The following SCFD2 variants were observed in gnomAD, a reference collection of about 807,000 sequenced individuals.
The protein encoded by SCFD2 is sec1 family domain-containing protein 2.
Under a neutral mutation model 58.9 loss-of-function variants are expected in SCFD2, and 54 were observed. The ratio of observed to expected loss-of-function variants is 0.92; its 90% CI spans 0.74 to 1.15. The LOEUF (loss-of-function observed/expected upper bound fraction) is 1.15. Among genes scored for constraint, SCFD2 ranks in the 50% most tolerant of loss-of-function variants. SCFD2 has a pLI of 0.00. For synonymous variants in SCFD2, 321 were observed against 335.9 expected, an observed-to-expected ratio of 0.96 and a Z score of 0.49; for missense variants, 805 against 836.6, an observed-to-expected ratio of 0.96 and a Z score of 0.47.
At chr4:53,249,594 C>A (rs1371823267) in intron 4 of SCFD2, among the ~76,000 whole-genome samples, 1 of 152,204 alleles carries the variant, frequency 6.6e-6, no homozygotes, top group African/African-American at 2.4e-5. Flanking sequence ...CCATCAGACT[C>A]ACAGCAGATC....
At chr4:53,041,035 A>G (rs144677423) in intron 5 of SCFD2, among the ~76,000 whole-genome samples, 44 of 152,332 alleles carry the variant, frequency 2.9e-4, no homozygotes, top group African/African-American at 1.0e-3. Context: ...GATACTAGAC[A>G]TATGCTATGC....
At chr4:53,143,102 T>C (rs1237700780) in intron 5 of SCFD2, among the ~76,000 whole-genome samples, 2 of 152,194 alleles carry the variant, frequency 1.3e-5, no homozygotes, top group Non-Finnish European at 1.5e-5. Context: ...GAACATGCAA[T>C]ATCCTAAGCA....
At chr4:53,349,018 C>G (rs1276538621) in intron 2 of SCFD2, among the ~76,000 whole-genome samples, 1 of 152,022 alleles carries the variant, frequency 6.6e-6, no homozygotes, top group Non-Finnish European at 1.5e-5. Context: ...TTGAATGGCA[C>G]TCAAAGCTCA....
At chr4:53,064,565 G>A (rs754806794) in intron 5 of SCFD2, among the ~76,000 whole-genome samples, 4 of 152,106 alleles carry the variant, frequency 2.6e-5, no homozygotes, top group Non-Finnish European at 4.4e-5. Flanking sequence ...GACAATCCAA[G>A]TAACAGTCCT....
intron 5 of SCFD2, among the ~76,000 whole-genome samples, chr4:52,932,733 C>T (rs776902499): frequency 6.6e-6 from 1 of 152,036 alleles, no homozygotes; most frequent in Admixed American, 6.5e-5. Flanking sequence ...AATGAGGCCC[C>T]CACTTTCTCC....
At chr4:52,885,912 A>G in intron 7 of SCFD2, 46 bp from the exon 8 acceptor site, 1 of 1,610,452 alleles carries the variant, frequency 6.2e-7, no homozygotes, top group Non-Finnish European at 8.5e-7. Context: ...GCAGTGATGC[A>G]GGCACAATGC....
chr4:52,971,531 T>C (rs987008499), intron 5 of SCFD2, among the ~76,000 whole-genome samples: 2 of 152,164 alleles, frequency 1.3e-5, no homozygotes, highest in African/African-American at 4.8e-5. Context: ...AGACCAAATC[T>C]ACATCTGATT....
intron 5 of SCFD2, among the ~76,000 whole-genome samples, chr4:52,947,628 C>T (rs982000412): frequency 6.6e-6 from 1 of 151,890 alleles, no homozygotes; most frequent in Non-Finnish European, 1.5e-5. Flanking sequence ...GTTCCATGCA[C>T]ATATGGAAAC....
At chr4:53,229,212 T>C (rs1437366318) in intron 4 of SCFD2, among the ~76,000 whole-genome samples, 1 of 152,150 alleles carries the variant, frequency 6.6e-6, no homozygotes, top group Non-Finnish European at 1.5e-5. Context: ...AATTTACAGA[T>C]TCAATGCCAT....
At chr4:53,325,243 A>G (rs535467205) in intron 2 of SCFD2, among the ~76,000 whole-genome samples, 1 of 151,934 alleles carries the variant, frequency 6.6e-6, no homozygotes, top group East Asian at 1.9e-4. Flanking sequence ...AAAAAAAGAG[A>G]AGACTCACTG....
At chr4:53,326,479 G>T (rs1733201744) in intron 2 of SCFD2, among the ~76,000 whole-genome samples, 1 of 151,920 alleles carries the variant, frequency 6.6e-6, no homozygotes, top group African/African-American at 2.4e-5. Context: ...TAGTAAATTA[G>T]GATGAGAGCT....
intron 4 of SCFD2, among the ~76,000 whole-genome samples, chr4:53,238,037 C>T (rs1327575646): frequency 1.7e-3 from 225 of 131,884 alleles, no homozygotes; most frequent in Middle Eastern, 5.5e-3. Flanking sequence ...GATGGGGTGG[C>T]TGGCCGGGCG....
chr4:52,963,377 T>C (rs1455336235), intron 5 of SCFD2, among the ~76,000 whole-genome samples: 4 of 152,248 alleles, frequency 2.6e-5, no homozygotes, highest in Non-Finnish European at 4.4e-5. Flanking sequence ...AATGTTCACA[T>C]ATACTTCATT....
At chr4:53,071,058 T>A (rs987820516) in intron 5 of SCFD2, among the ~76,000 whole-genome samples, 1 of 152,092 alleles carries the variant, frequency 6.6e-6, no homozygotes, top group Non-Finnish European at 1.5e-5. Context: ...TAAAGGTCAG[T>A]AGCATGGCCT....
chr4:53,294,992 G>A (rs1024219930), intron 3 of SCFD2, among the ~76,000 whole-genome samples: 1 of 152,038 alleles, frequency 6.6e-6, no homozygotes, highest in African/African-American at 2.4e-5. Context: ...TGTTCCATTG[G>A]TCTATATATC....
intron 3 of SCFD2, 114 bp from the exon 4 acceptor site, chr4:53,274,115 T>A (rs768902011): frequency 2.4e-6 from 2 of 840,596 alleles, no homozygotes; most frequent in Admixed American, 3.2e-5. Flanking sequence ...CAGAGCTGAC[T>A]GCAAGCTTTC....
At chr4:53,307,669 A>T (rs1401405511) in intron 3 of SCFD2, among the ~76,000 whole-genome samples, 1 of 152,208 alleles carries the variant, frequency 6.6e-6, no homozygotes, top group Non-Finnish European at 1.5e-5. Flanking sequence ...GAAGCAAGAG[A>T]TTGAAATTAT....
intron 3 of SCFD2, among the ~76,000 whole-genome samples, chr4:53,287,750 A>T (rs1202506110): frequency 6.6e-6 from 1 of 152,222 alleles, no homozygotes; most frequent in African/African-American, 2.4e-5. Context: ...AAAAAATGGA[A>T]ATTTATGAAT....
intron 4 of SCFD2, among the ~76,000 whole-genome samples, chr4:53,240,457 T>C (rs1284398283): frequency 1.3e-5 from 2 of 152,222 alleles, no homozygotes; most frequent in East Asian, 1.9e-4. Context: ...GAAAGTGACC[T>C]TCACTATTTT....
Sources: allele counts gnomAD v4.1 joint callset (sites outside exome capture counted in the v4.1 genomes callset), GRCh38; gene constraint gnomAD v4.1.1; transcripts MANE v1.5; gene names NCBI Gene and HGNC (gene_info 2026-07-23, HGNC 2026-07-21).